The following PCDHA7 variants were observed in gnomAD, a reference collection of about 807,000 sequenced individuals.
PCDHA7 encodes protocadherin alpha-7.
In PCDHA7, 37 loss-of-function variants were observed where a neutral mutation model predicts 57.2. That is an observed-to-expected ratio of 0.65 (90% CI 0.50 to 0.85). PCDHA7 has a LOEUF of 0.85. PCDHA7 is among the 40% of genes least tolerant of loss of function. PCDHA7 has a pLI of 0.00. For synonymous variants in PCDHA7, 553 were observed against 558.8 expected, an observed-to-expected ratio of 0.99 and a Z score of 0.15; for missense variants, 1,188 against 1,241.8, an observed-to-expected ratio of 0.96 and a Z score of 0.65.
In PCDHA7 at chr5:140,835,486, T is replaced by C; in HGVS notation, c.1103T>C (p.Val368Ala). 6.2e-7 allele frequency: 1 copy of C among 1,613,894 alleles called. No homozygotes were observed. Residue 368 changes from valine to alanine, a missense_variant, in exon 1 of 4, where the codon GTC becomes GCC. This residue lies in a region of PCDHA7 where 892 missense variants were observed against 788.5 expected (regional missense o/e 1.13). Transcript: ENST00000525929. ...PIPEDAQPGT[V>A]ITLISVFDRD... The stretch of plus-strand genomic sequence containing the variant: ...CCAGAGGACGCCCAACCAGGTACCG[T>C]CATCACATTGATTAGCGTGTTTGAC...
chr5:140,853,921 C>T (rs2042909522), intron 1 of PCDHA7: 2 of 921,152 alleles, frequency 2.2e-6, no homozygotes, highest in African/African-American at 1.8e-5. Flanking sequence ...GCAATCCCAA[C>T]ATTTTGGGAG....
rs142105240 is a variant in PCDHA7, at chr5:140,882,817, A to G, written c.2355+46079A>G. The G allele has an allele frequency of 5.3e-5, 86 of 1,614,242 alleles. 1 individual carries two copies. The African/African-American group carries it at 9.9e-4, about 19-fold the overall frequency. The stretch of plus-strand genomic sequence containing the variant: ...ACGATTATTTCACTTTGGACGCACA[A>G]AACAGTCTTGAGCAAATGTCTTCAT... On this transcript the variant is annotated intron_variant, in intron 1 of 3. Transcript: ENST00000525929.
intron 1 of PCDHA7, among the ~76,000 whole-genome samples, chr5:140,872,655 G>A (rs1474105243): frequency 6.6e-6 from 1 of 152,046 alleles, no homozygotes; most frequent in African/African-American, 2.4e-5. Context: ...CAAGAGATTT[G>A]TCAACTATTG....
chr5:140,834,682 C>G lies in PCDHA7; in HGVS notation c.299C>G (p.Ala100Gly). The G allele has an allele frequency of 3.1e-6, 5 of 1,614,204 alleles. No individual in the cohort carries two copies. The highest frequency in any genetic ancestry group is 4.2e-6 in the Non-Finnish European group (5 of 1,180,038). Residue 100 changes from alanine (A) to glycine (G), a missense_variant, in exon 1 of 4, where the codon GCG (alanine) becomes GGG (glycine). Around this residue, in one of 3 missense-constraint regions of PCDHA7, gnomAD observed 194 missense variants for 185.8 expected, o/e 1.04. Transcript: ENST00000525929. ...IDREELCGRS[A>G]ECSIHLEVIV... ...CGCGAGGAGCTGTGCGGGCGGAGCG[C>G]GGAGTGCAGCATCCACCTGGAGGTG...
At chr5:140,914,016 G>A (rs1344982730) in intron 1 of PCDHA7, among the ~76,000 whole-genome samples, 2 of 152,140 alleles carry the variant, frequency 1.3e-5, no homozygotes, top group Non-Finnish European at 2.9e-5. Flanking sequence ...CTTTGAGAAT[G>A]ATCCACGTGC....
chr5:140,964,586 C>T (rs2095842092), intron 1 of PCDHA7, among the ~76,000 whole-genome samples: 1 of 152,078 alleles, frequency 6.6e-6, no homozygotes, highest in Non-Finnish European at 1.5e-5. Flanking sequence ...GAGGAAAGAT[C>T]ACTTTTCATG....
chr5:140,981,959 A>C (rs76200785), intron 2 of PCDHA7, among the ~76,000 whole-genome samples: 3,104 of 152,312 alleles, frequency 0.02, 114 homozygotes, highest in African/African-American at 0.071. Flanking sequence ...TCATCTATGC[A>C]TAAAAGATAT....
intron 1 of PCDHA7, chr5:140,854,159 C>CAA (rs59855104): frequency 0.094 from 31,914 of 338,462 alleles, 1,044 homozygotes; most frequent in African/African-American, 0.16. Flanking sequence ...GATTCTGTCT[C>CAA]AAAAAAAAAA....
intron 1 of PCDHA7, chr5:140,877,604 T>C: frequency 6.2e-7 from 1 of 1,613,886 alleles, no homozygotes. Flanking sequence ...TCCAGCCTGC[T>C]GGTGCTCACG....
At chr5:140,910,137 T>A (rs2074898699) in intron 1 of PCDHA7, among the ~76,000 whole-genome samples, 1 of 152,232 alleles carries the variant, frequency 6.6e-6, no homozygotes, top group Non-Finnish European at 1.5e-5. Flanking sequence ...CTGGTTTAAG[T>A]CTGGAAATTG....
intron 3 of PCDHA7, among the ~76,000 whole-genome samples, chr5:140,994,234 C>A (rs1285846864): frequency 4.6e-5 from 7 of 152,146 alleles, no homozygotes; most frequent in South Asian, 2.1e-4. Flanking sequence ...ATGTTATAAT[C>A]AATTCAAACC....
At chr5:140,903,625 A>T (rs2153481028) in intron 1 of PCDHA7, among the ~76,000 whole-genome samples, 1 of 152,362 alleles carries the variant, frequency 6.6e-6, no homozygotes, top group East Asian at 1.9e-4. Context: ...GTGCATGCAT[A>T]TGTATGCATA....
At chr5:140,991,682 C>G (rs1234700322) in intron 3 of PCDHA7, among the ~76,000 whole-genome samples, 2 of 152,170 alleles carry the variant, frequency 1.3e-5, no homozygotes, top group Non-Finnish European at 2.9e-5. Context: ...TCTGAGTCCT[C>G]TCTAGTAGAG....
chr5:140,916,188 G>A (rs1288181230), intron 1 of PCDHA7, among the ~76,000 whole-genome samples: 2 of 152,208 alleles, frequency 1.3e-5, no homozygotes, highest in East Asian at 3.9e-4. Context: ...TCAAGGAAGT[G>A]GGCACCCCTC....
At chr5:140,968,757 A>T in intron 1 of PCDHA7, 1 of 1,614,204 alleles carries the variant, frequency 6.2e-7, no homozygotes, top group Non-Finnish European at 8.5e-7. Context: ...GTGGTCCGAG[A>T]TAATGGAGAG....
rs529065220 is a variant in PCDHA7, at chr5:140,930,291, C to T, written c.2356-48658C>T. On this transcript the variant is annotated intron_variant, in intron 1 of 3. Transcript: ENST00000525929. ...TATTTTAGGGGACAAATACACTTAA[C>T]AAATAAGTAAATATCATATTTGAGA... The T allele has an allele frequency of 2.6e-5, 4 of 152,208 alleles. No homozygotes were observed. The South Asian group carries it at 8.3e-4, about 32-fold the overall frequency. 9.4% of individuals were successfully genotyped at this position (152,208 alleles called of 1,614,324 possible). A position where few individuals can be genotyped will look rare whatever the true frequency, so the allele number is the denominator to read the frequency against.
chr5:140,927,226 A>G, intron 1 of PCDHA7: 4 of 1,613,996 alleles, frequency 2.5e-6, no homozygotes, highest in Non-Finnish European at 3.4e-6. Context: ...CAAGATTCGG[A>G]TTCACGTCCT....
chr5:140,848,600 C>A lies in PCDHA7; in HGVS notation c.2355+11862C>A, dbSNP rs2150414065. On this transcript the variant is annotated intron_variant, in intron 1 of 3. Transcript: ENST00000525929. The stretch of plus-strand genomic sequence containing the variant: ...GGAGCGGCCAGCTCCACTACTCCGT[C>A]CCGGAGGAAGCCGAACACGGCACCT... 2.5e-6 allele frequency: 4 copies of A among 1,593,634 alleles called. 1 individual carries two copies. The highest frequency in any genetic ancestry group is 3.4e-6 in the Non-Finnish European group (4 of 1,164,058).
Position 140,842,156 on chromosome 5 carries a change from T to G in PCDHA7, c.2355+5418T>G, listed in dbSNP as rs2150330678. 3.3e-5 allele frequency: 54 copies of G among 1,613,784 alleles called. 1 individual carries two copies. The South Asian group carries it at 5.9e-4, about 18-fold the overall frequency. ...TGAAGGAGCCAATGGGGCAATTTCA[T>G]ATTCTTTTAATAGCCTTGTTGAAAC... On this transcript the variant is annotated intron_variant, in intron 1 of 3. Coordinates refer to ENST00000525929, the MANE Select transcript of PCDHA7 (RefSeq NM_018910.3).
Sources: gnomAD v4.1 joint callset for allele counts (sites outside exome capture counted in the v4.1 genomes callset) on GRCh38, gnomAD v4.1.1 for gene constraint, gnomAD v4.1.1 regional missense constraint, MANE v1.5 for transcripts, NCBI Gene and HGNC (gene_info 2026-07-23, HGNC 2026-07-21) for gene names.